PLXDC2: variants seen among roughly 807,000 people sequenced by gnomAD.
The protein encoded by PLXDC2 is plexin domain containing 2.
PLXDC2 carries 40 observed loss-of-function variants against 68.9 expected under a neutral mutation model. That is an observed-to-expected ratio of 0.58 (90% CI 0.45 to 0.76). PLXDC2 has a LOEUF of 0.76. Ranked by LOEUF, PLXDC2 falls within the 30% of genes least tolerant of loss-of-function variation. The pLI is 0.00. For missense variants in PLXDC2, 644 were observed against 661.9 expected, an observed-to-expected ratio of 0.97 and a Z score of 0.30; for synonymous variants, 243 against 234.2, an observed-to-expected ratio of 1.04 and a Z score of -0.34.
At chr10:19,843,990 G>A (rs1836953193) in intron 1 of PLXDC2, among the ~76,000 whole-genome samples, 1 of 152,096 alleles carries the variant, frequency 6.6e-6, no homozygotes, top group Non-Finnish European at 1.5e-5. Flanking sequence ...CAAATGCCCT[G>A]ACTGATGGTT....
At chr10:19,840,464 A>T (rs1360926774) in intron 1 of PLXDC2, among the ~76,000 whole-genome samples, 1 of 152,184 alleles carries the variant, frequency 6.6e-6, no homozygotes, top group Non-Finnish European at 1.5e-5. Flanking sequence ...TGGCAGGCTC[A>T]GCCTTAAAAT....
intron 12 of PLXDC2, among the ~76,000 whole-genome samples, chr10:20,232,477 C>T (rs1564361635): frequency 6.6e-6 from 1 of 152,004 alleles, no homozygotes; most frequent in African/African-American, 2.4e-5. Flanking sequence ...TAGAAATAGT[C>T]CAGATGTTCA....
intron 2 of PLXDC2, 57 bp downstream of exon 2, chr10:20,002,043 C>T: frequency 1.3e-6 from 2 of 1,520,524 alleles, no homozygotes; most frequent in Non-Finnish European, 1.8e-6. Context: ...CATGTAGGTG[C>T]CCAACTTTTA....
At chr10:19,921,067 A>G (rs570638786) in intron 1 of PLXDC2, among the ~76,000 whole-genome samples, 30 of 151,020 alleles carry the variant, frequency 2.0e-4, no homozygotes, top group South Asian at 1.7e-3. Flanking sequence ...AGCTAGGACT[A>G]TAGGTGTGCA....
intron 1 of PLXDC2, among the ~76,000 whole-genome samples, chr10:19,885,130 T>C (rs1466575971): frequency 6.6e-6 from 1 of 152,220 alleles, no homozygotes; most frequent in Non-Finnish European, 1.5e-5. Flanking sequence ...TTCATGTGTT[T>C]TTTGGCTGCA....
chr10:20,032,627 T>G (rs1042200204), intron 2 of PLXDC2, among the ~76,000 whole-genome samples: 1 of 151,934 alleles, frequency 6.6e-6, no homozygotes, highest in East Asian at 1.9e-4. Context: ...ATCCTAAAAA[T>G]TTTGATAACT....
chr10:19,858,427 A>G (rs1837256020), intron 1 of PLXDC2, among the ~76,000 whole-genome samples: 1 of 152,228 alleles, frequency 6.6e-6, no homozygotes, highest in Admixed American at 6.5e-5. Context: ...AATGAAGGGA[A>G]GAATTCTTGA....
intron 12 of PLXDC2, among the ~76,000 whole-genome samples, chr10:20,241,825 C>T (rs1362886750): frequency 1.3e-5 from 2 of 152,070 alleles, no homozygotes; most frequent in African/African-American, 4.8e-5. Flanking sequence ...ATTTGTGAGG[C>T]TAAAACTTGG....
At chr10:20,210,003 C>T (rs1192928987) in intron 9 of PLXDC2, among the ~76,000 whole-genome samples, 3 of 152,176 alleles carry the variant, frequency 2.0e-5, no homozygotes, top group Admixed American at 6.5e-5. Flanking sequence ...TGGCTTCAGC[C>T]GGTCCCTCTG....
At chr10:20,132,622 C>A (rs752229401) in intron 4 of PLXDC2, among the ~76,000 whole-genome samples, 23 of 151,948 alleles carry the variant, frequency 1.5e-4, no homozygotes, top group Non-Finnish European at 3.2e-4. Context: ...GATTTAACAT[C>A]TCTTTTGTCT....
intron 4 of PLXDC2, among the ~76,000 whole-genome samples, chr10:20,123,083 G>C (rs953374427): frequency 2.0e-5 from 3 of 152,140 alleles, no homozygotes; most frequent in African/African-American, 7.2e-5. Flanking sequence ...CTGGGCAGGT[G>C]GGGGAGGGCT....
At chr10:20,079,772 G>A (rs1029201602) in intron 4 of PLXDC2, among the ~76,000 whole-genome samples, 1 of 152,080 alleles carries the variant, frequency 6.6e-6, no homozygotes, top group Non-Finnish European at 1.5e-5. Flanking sequence ...ATCACACAAT[G>A]GGGCCCGTCA....
chr10:20,119,990 C>A (rs1184966543), intron 4 of PLXDC2, among the ~76,000 whole-genome samples: 1 of 152,114 alleles, frequency 6.6e-6, no homozygotes, highest in African/African-American at 2.4e-5. Context: ...GTCCTGCCAG[C>A]AAAGATTATT....
At chr10:20,219,156 A>G (rs1236670337) in intron 12 of PLXDC2, 54 bp downstream of exon 12, 5 of 1,545,426 alleles carry the variant, frequency 3.2e-6, no homozygotes, top group Middle Eastern at 1.7e-4. Context: ...AATTCATTTC[A>G]TTTATTTTAC....
chr10:20,161,261 G>A (rs1234323618), intron 6 of PLXDC2, among the ~76,000 whole-genome samples: 1 of 152,024 alleles, frequency 6.6e-6, no homozygotes, highest in Non-Finnish European at 1.5e-5. Flanking sequence ...GAATGTGTAA[G>A]CTGTTATCTG....
intron 2 of PLXDC2, among the ~76,000 whole-genome samples, chr10:20,045,586 A>T (rs1165681032): frequency 1.3e-5 from 2 of 152,088 alleles, no homozygotes; most frequent in Non-Finnish European, 2.9e-5. Flanking sequence ...TACTGCATAG[A>T]ATATTCTTTT....
At chr10:19,911,470 A>G (rs182782117) in intron 1 of PLXDC2, among the ~76,000 whole-genome samples, 246 of 152,188 alleles carry the variant, frequency 1.6e-3, no homozygotes, top group Non-Finnish European at 2.4e-3. Context: ...AAAATTTCCC[A>G]TATACCTTAC....
intron 3 of PLXDC2, among the ~76,000 whole-genome samples, chr10:20,060,932 A>C (rs1836091331): frequency 6.6e-6 from 1 of 152,164 alleles, no homozygotes; most frequent in Admixed American, 6.5e-5. Context: ...ACACATTTGG[A>C]TTGAAGTCTT....
chr10:20,018,332 T>C (rs1835248024), intron 2 of PLXDC2, among the ~76,000 whole-genome samples: 1 of 152,204 alleles, frequency 6.6e-6, no homozygotes, highest in African/African-American at 2.4e-5. Context: ...AGATATATGA[T>C]TCTTGGATAT....
Sources: allele counts gnomAD v4.1 joint callset (sites outside exome capture counted in the v4.1 genomes callset), GRCh38; gene constraint gnomAD v4.1.1; transcripts MANE v1.5; gene names NCBI Gene and HGNC (gene_info 2026-07-23, HGNC 2026-07-21).